The following JAZF1 variants were observed in gnomAD, a reference collection of about 807,000 sequenced individuals.
JAZF1 encodes the protein juxtaposed with another zinc finger protein 1.
Under a neutral mutation model 26.4 loss-of-function variants are expected in JAZF1, and 8 were observed. The observed-to-expected ratio is 0.30, with a 90% CI of 0.18 to 0.55. The LOEUF is 0.55. Among genes scored for constraint, JAZF1 ranks in the 20% least tolerant of loss-of-function variants. The pLI is 0.94. For missense variants in JAZF1, 199 were observed against 322.0 expected (o/e 0.62, Z 2.92); for synonymous variants, 126 against 122.3 (o/e 1.03, Z -0.20).
intron 1 of JAZF1, among the ~76,000 whole-genome samples, chr7:28,167,001 G>A (rs531331788): frequency 6.6e-6 from 1 of 152,142 alleles, no homozygotes; most frequent in Admixed American, 6.5e-5. Context: ...ATGTGGCATA[G>A]GGAGCATCAC....
chr7:27,849,752 G>GACACACACACACACACACACACACAC lies in JAZF1; in HGVS notation c.386-8886_386-8885insGTGTGTGTGTGTGTGTGTGTGTGTGT, dbSNP rs72394231. ...ATCAATATTGGAACCCTTACACACA[G>GACACACACACACACACACACACACAC]ACACACACACACACACACACACCCC... On this transcript the variant is annotated intron_variant, in intron 3 of 4. Transcript: ENST00000283928. Among the ~76,000 whole-genome samples, 294 of 108,464 alleles carry GACACACACACACACACACACACACAC rather than the reference G, an allele frequency of 2.7e-3. 1 individual carries two copies. Among genetic ancestry groups the GACACACACACACACACACACACACAC allele is most frequent in the African/African-American group, 5.8e-3 (137 of 23,522 alleles). 71.2% of individuals were successfully genotyped at this position (108,464 alleles called of 152,430 possible). A position where few individuals can be genotyped will look rare whatever the true frequency, so the allele number is the denominator to read the frequency against.
At chr7:27,960,738 C>T (rs1785172181) in intron 2 of JAZF1, among the ~76,000 whole-genome samples, 1 of 152,098 alleles carries the variant, frequency 6.6e-6, no homozygotes, top group African/African-American at 2.4e-5. Flanking sequence ...GCCTGGTTTC[C>T]CAAGCCACCC....
At chr7:28,160,264 C>A (rs1783263772) in intron 1 of JAZF1, among the ~76,000 whole-genome samples, 2 of 152,162 alleles carry the variant, frequency 1.3e-5, no homozygotes, top group Non-Finnish European at 2.9e-5. Context: ...TTTGCATAAA[C>A]ACCCCAAATA....
intron 2 of JAZF1, among the ~76,000 whole-genome samples, chr7:27,983,468 G>A (rs531298012): frequency 5.9e-5 from 9 of 152,276 alleles, no homozygotes; most frequent in East Asian, 3.9e-4. Flanking sequence ...CCAAATCTAC[G>A]TCTGATTGGT....
Position 27,830,939 on chromosome 7 carries a change from C to T in JAZF1, c.*1861G>A, listed in dbSNP as rs1782675270. The T allele has an allele frequency of 4.6e-6, 1 of 218,168 alleles. No homozygotes were observed. The highest frequency in any genetic ancestry group is 9.2e-6 in the Non-Finnish European group (1 of 108,328). 13.5% of individuals were successfully genotyped at this position (218,168 alleles called of 1,614,324 possible). On this transcript the variant is annotated 3_prime_UTR_variant, in exon 5 of 5. Coordinates refer to ENST00000283928, the MANE Select transcript of JAZF1 (RefSeq NM_175061.4). ...ACTGTTTAGCTGTTGAACTACTGAT[C>T]CAGCCTGCAGTTTCTTGCACTAGAA...
chr7:27,907,401 T>C (rs1449570190), intron 2 of JAZF1, among the ~76,000 whole-genome samples: 1 of 152,240 alleles, frequency 6.6e-6, no homozygotes, highest in African/African-American at 2.4e-5. Flanking sequence ...AAATTGTTTA[T>C]AAATTTAACT....
intron 2 of JAZF1, among the ~76,000 whole-genome samples, chr7:27,979,474 G>A (rs1785539163): frequency 7.5e-6 from 1 of 132,858 alleles, no homozygotes; most frequent in Non-Finnish European, 1.5e-5. Context: ...CTGTAGCCTT[G>A]AACTCCTGGG....
Position 27,870,098 on chromosome 7 carries a change from T to C in JAZF1, c.385+25122A>G, listed in dbSNP as rs916191679. 9.3e-5 allele frequency among the ~76,000 whole-genome samples: 11 copies of C among 118,112 alleles called. No homozygotes were observed. The East Asian group carries it at 2.7e-3, about 30-fold the overall frequency. 77.5% of individuals were successfully genotyped at this position (118,112 alleles called of 152,430 possible). A position where few individuals can be genotyped will look rare whatever the true frequency, so the allele number is the denominator to read the frequency against. ...TAATTTTTTTTTTTTTTTTTTTTTT[T>C]GTATTTTTAGTAGAGACTGGGTTTC... On this transcript the variant is annotated intron_variant, in intron 3 of 4. Coordinates refer to ENST00000283928, the MANE Select transcript of JAZF1 (RefSeq NM_175061.4).
rs1246735926 is a variant in JAZF1, at chr7:27,983,170, G to A, written c.188+8739C>T. 4.6e-5 allele frequency among the ~76,000 whole-genome samples: 7 copies of A among 152,248 alleles called. No homozygotes were observed. In the South Asian group the frequency reaches 6.2e-4, roughly 14 times the overall value. On this transcript the variant is annotated intron_variant, in intron 2 of 4. Coordinates refer to ENST00000283928, the MANE Select transcript of JAZF1 (RefSeq NM_175061.4). ...TTCTCCGAGCTAAAGGAGGATGTTC[G>A]AACCCATGGCAAAGAAGCTAAAACC...
At chr7:27,987,568 G>C (rs1478396442) in intron 2 of JAZF1, among the ~76,000 whole-genome samples, 4 of 151,474 alleles carry the variant, frequency 2.6e-5, no homozygotes, top group Non-Finnish European at 5.9e-5. Flanking sequence ...GGAGGGAGGT[G>C]GGGGGCAGCC....
chr7:27,842,343 G>A (rs1489472012), intron 3 of JAZF1: 3 of 152,224 alleles, frequency 2.0e-5, no homozygotes, highest in South Asian at 2.1e-4. Context: ...ATTAAGGGAC[G>A]GTGTGCTTTT....
chr7:27,923,543 T>C (rs1784566467), intron 2 of JAZF1, among the ~76,000 whole-genome samples: 1 of 152,210 alleles, frequency 6.6e-6, no homozygotes, highest in African/African-American at 2.4e-5. Context: ...TGTGGCTGAC[T>C]GGATGGAACT....
chr7:28,127,117 A>C (rs552932402), intron 1 of JAZF1, among the ~76,000 whole-genome samples: 7 of 152,348 alleles, frequency 4.6e-5, no homozygotes, highest in African/African-American at 1.7e-4. Context: ...ATTAGAATTG[A>C]CAGTCTCCTG....
At chr7:28,146,272 T>C (rs849142) in intron 1 of JAZF1, among the ~76,000 whole-genome samples, 58,138 of 152,072 alleles carry the variant, frequency 0.38, 12,802 homozygotes, top group Non-Finnish European at 0.5. Context: ...TGTAAAAGAT[T>C]AGAACAACAT....
At chr7:28,093,382 G>A (rs1454174923) in intron 1 of JAZF1, among the ~76,000 whole-genome samples, 1 of 152,170 alleles carries the variant, frequency 6.6e-6, no homozygotes. Flanking sequence ...CTTCCACCAT[G>A]ATTGTGAGGC....
At chr7:28,171,137 C>CTTCT (rs573671306) in intron 1 of JAZF1, among the ~76,000 whole-genome samples, 72 of 152,246 alleles carry the variant, frequency 4.7e-4, no homozygotes, top group Non-Finnish European at 8.5e-4. Context: ...ACAGTCCATG[C>CTTCT]TTCTCACCAC....
chr7:28,004,500 A>G (rs566767222), intron 1 of JAZF1, among the ~76,000 whole-genome samples: 1 of 152,228 alleles, frequency 6.6e-6, no homozygotes, highest in South Asian at 2.1e-4. Context: ...AAGGCTCAGA[A>G]ACTGGAAAAG....
chr7:28,143,465 C>T (rs747660800), intron 1 of JAZF1, among the ~76,000 whole-genome samples: 1 of 152,226 alleles, frequency 6.6e-6, no homozygotes, highest in African/African-American at 2.4e-5. Context: ...TGTATTATAG[C>T]TCCTGGCCGG....
chr7:28,167,940 G>A (rs1159488369), intron 1 of JAZF1, among the ~76,000 whole-genome samples: 1 of 152,134 alleles, frequency 6.6e-6, no homozygotes, highest in Non-Finnish European at 1.5e-5. Context: ...GGTATACAAG[G>A]TTTACTTTGC....
Sources: gnomAD v4.1 joint callset for allele counts (sites outside exome capture counted in the v4.1 genomes callset) on GRCh38, gnomAD v4.1.1 for gene constraint, MANE v1.5 for transcripts, NCBI Gene and HGNC (gene_info 2026-07-23, HGNC 2026-07-21) for gene names.